The following ADGRD2 variants were observed in gnomAD, a reference collection of about 807,000 sequenced individuals.
The protein encoded by ADGRD2 is adhesion G protein-coupled receptor D2.
A neutral mutation model predicts 44.4 loss-of-function variants in ADGRD2; 71 were observed. The observed-to-expected ratio is 1.60, with a 90% CI of 1.32 to 1.95. The LOEUF (loss-of-function observed/expected upper bound fraction) is 1.95. ADGRD2 is among the 30% of genes most tolerant of loss of function. The pLI, the probability that ADGRD2 is intolerant of heterozygous loss-of-function variation, is 0.00. For missense variants in ADGRD2, 1,039 were observed against 512.4 expected, an observed-to-expected ratio of 2.03 and a Z score of -9.92; for synonymous variants, 481 against 224.8, an observed-to-expected ratio of 2.14 and a Z score of -10.19.
At chr9:124,458,656 G>A (rs1831665146) in exon 10 of ADGRD2, 2 of 718,706 alleles carry the variant, frequency 2.8e-6, no homozygotes, top group South Asian at 3.0e-5. Context: ...CATCTCCTCT[G>A]AAGTGTGGGA....
chr9:124,468,466 C>A (rs1831875836), intron 13 of ADGRD2, 53 bp from the exon 17 acceptor site: 2 of 716,540 alleles, frequency 2.8e-6, no homozygotes, highest in Admixed American at 2.0e-5. Flanking sequence ...GCGGGGCTGG[C>A]CTGCACCTGC....
intron 10 of ADGRD2, among the ~76,000 whole-genome samples, chr9:124,464,611 G>T (rs7859861): frequency 0.026 from 3,926 of 152,254 alleles, 163 homozygotes; most frequent in African/African-American, 0.09. Flanking sequence ...CCAAGCTCAG[G>T]CTACCTTCCC....
At chr9:124,476,253 G>A in intron 19 of ADGRD2, 104 bp from the exon 23 acceptor site, 1 of 611,776 alleles carries the variant, frequency 1.6e-6, no homozygotes, top group Non-Finnish European at 3.0e-6. Context: ...ACCTTGGAGT[G>A]GATTCTTAGC....
upstream of ADGRD2, chr9:124,451,455 G>T (rs1831466170): frequency 5.7e-6 from 2 of 353,608 alleles, no homozygotes; most frequent in South Asian, 4.2e-5. Context: ...GTCCCTACTA[G>T]GTGGGCCACC....
At chr9:124,458,315 C>G in intron 9 of ADGRD2, 79 bp downstream of exon 12, 2 of 693,658 alleles carry the variant, frequency 2.9e-6, no homozygotes, top group Non-Finnish European at 5.3e-6. Context: ...TTCTGGTGGG[C>G]GCATGTGTCC....
At chr9:124,469,153 G>A (rs1298904653) in intron 14 of ADGRD2, 69 bp from the exon 18 acceptor site, 1 of 657,532 alleles carries the variant, frequency 1.5e-6, no homozygotes, top group African/African-American at 1.8e-5. Context: ...GGCTTGGGGG[G>A]CGGATCCTGG....
At chr9:124,453,378 T>C (rs1298549909) in exon 3 of ADGRD2, 2 of 563,256 alleles carry the variant, frequency 3.6e-6, no homozygotes, top group African/African-American at 4.0e-5. Context: ...TGTTCTCCGA[T>C]GGGAGGCGGC....
At chr9:124,468,663 A>C (rs1469967436) in exon 14 of ADGRD2, 1 of 716,364 alleles carries the variant, frequency 1.4e-6, no homozygotes, top group Non-Finnish European at 2.6e-6. Flanking sequence ...CTACCACGCC[A>C]CAGGCTGGGG....
chr9:124,457,357 A>G (rs1213635369), intron 7 of ADGRD2, 115 bp from the exon 11 acceptor site: 2 of 454,762 alleles, frequency 4.4e-6, no homozygotes, highest in Non-Finnish European at 7.8e-6. Flanking sequence ...CTGAGCAGGA[A>G]TGGTGGCCTC....
chr9:124,473,575 G>A (rs891042347), intron 17 of ADGRD2, among the ~76,000 whole-genome samples: 3 of 152,240 alleles, frequency 2.0e-5, no homozygotes, highest in African/African-American at 7.2e-5. Flanking sequence ...TGTTCAACAC[G>A]CACTCCCCTA....
chr9:124,474,846 C>G (rs1407912138), intron 17 of ADGRD2, among the ~76,000 whole-genome samples: 3 of 152,192 alleles, frequency 2.0e-5, no homozygotes, highest in African/African-American at 7.2e-5. Flanking sequence ...TGTGATGGTG[C>G]AGGGAGGGTG....
chr9:124,478,316 C>T (rs540402520), exon 22 of ADGRD2: 2 of 152,420 alleles, frequency 1.3e-5, no homozygotes, highest in African/African-American at 4.8e-5. Flanking sequence ...CGTCGCCAAA[C>T]CCTGCCCAGC....
intron 9 of ADGRD2, 63 bp downstream of exon 12, chr9:124,458,299 C>G (rs1588601929): frequency 2.8e-6 from 2 of 707,842 alleles, no homozygotes; most frequent in East Asian, 5.4e-5. Context: ...AAGGCCAAAG[C>G]CCCCGTTCTG....
intron 17 of ADGRD2, among the ~76,000 whole-genome samples, chr9:124,471,498 G>A (rs1282568831): frequency 6.6e-6 from 1 of 152,164 alleles, no homozygotes; most frequent in African/African-American, 2.4e-5. Flanking sequence ...CAGTGCCTGG[G>A]TGCTCCCTCT....
intron 1 of ADGRD2, 178 bp downstream of exon 4, chr9:124,452,332 G>A (rs2131219957): frequency 1.6e-6 from 1 of 641,226 alleles, no homozygotes; most frequent in African/African-American, 1.8e-5. Context: ...TCCTGCCATT[G>A]CGCAGATGAC....
intron 10 of ADGRD2, among the ~76,000 whole-genome samples, chr9:124,464,938 T>C (rs757883791): frequency 1.3e-5 from 2 of 152,216 alleles, no homozygotes; most frequent in Admixed American, 6.5e-5. Flanking sequence ...TTCACATCAG[T>C]AGCCAGAGGC....
chr9:124,459,811 C>T (rs1255166622), intron 10 of ADGRD2, among the ~76,000 whole-genome samples: 1 of 96,612 alleles, frequency 1.0e-5, no homozygotes, highest in East Asian at 2.8e-4. Context: ...AATACCATGC[C>T]ATTTTATATA....
chr9:124,465,542 G>C (rs986254380), intron 10 of ADGRD2: 1 of 152,186 alleles, frequency 6.6e-6, no homozygotes. Context: ...AGTAGAGACA[G>C]GGTTTTGCCA....
chr9:124,458,031 G>A, intron 8 of ADGRD2, 82 bp from the exon 12 acceptor site: 1 of 703,024 alleles, frequency 1.4e-6, no homozygotes, highest in Admixed American at 2.0e-5. Flanking sequence ...CTCTAGAGTG[G>A]GGAGAGCATC....
Sources: allele counts gnomAD v4.1 joint callset (sites outside exome capture counted in the v4.1 genomes callset), GRCh38; gene constraint gnomAD v4.1.1; transcripts MANE v1.5; gene names NCBI Gene and HGNC (gene_info 2026-07-23, HGNC 2026-07-21).